Variants in NUCB2 observed in about 807,000 individuals in gnomAD.
The protein encoded by NUCB2 is nucleobindin 2, also known as nucleobindin-2.
NUCB2 carries 48 observed loss-of-function variants against 57.9 expected under a neutral mutation model. That is an observed-to-expected ratio of 0.83 (90% confidence interval 0.66 to 1.05). The LOEUF (loss-of-function observed/expected upper bound fraction) is 1.05. Ranked by LOEUF, NUCB2 falls within the 50% of genes least tolerant of loss-of-function variation. The pLI, the probability that NUCB2 is intolerant of heterozygous loss-of-function variation, is 0.00. For synonymous variants in NUCB2, 139 were observed against 152.1 expected (o/e 0.91, Z 0.64); for missense variants, 442 against 476.2 (o/e 0.93, Z 0.67).
At chr11:17,287,127 T>A (rs1403751834) in intron 2 of NUCB2, among the ~76,000 whole-genome samples, 1 of 151,978 alleles carries the variant, frequency 6.6e-6, no homozygotes, top group Non-Finnish European at 1.5e-5. Flanking sequence ...TAGAAAGCCC[T>A]ACCAGCCTGA....
intron 4 of NUCB2, among the ~76,000 whole-genome samples, chr11:17,298,897 C>T (rs1946267128): frequency 6.6e-6 from 1 of 152,130 alleles, no homozygotes; most frequent in South Asian, 2.1e-4. Context: ...TGGGGTTTTG[C>T]CATGTTGTCC....
Position 17,311,880 on chromosome 11 carries a change from AG to A in NUCB2, c.770del (p.Ser257MetfsTer10), listed in dbSNP as rs1948535043. 6.3e-7 allele frequency: 1 copy of A among 1,587,940 alleles called. No individual in the cohort carries two copies. Among genetic ancestry groups the A allele is most frequent in the Non-Finnish European group, 8.6e-7 (1 of 1,164,312 alleles). ...KTFFKLHDVN[S>X]DGFLDEQELE... ...TAACTTTTAAACTTTAGATGTCAAT[AG>A]TGATGGATTCCTGGATGAACAAGAA... On this transcript the variant is annotated frameshift_variant, in exon 9 of 14. Transcript: ENST00000529010. LOFTEE classifies it high-confidence loss of function.
intron 3 of NUCB2, 71 bp downstream of exon 3, chr11:17,295,538 G>T (rs1945695931): frequency 8.9e-7 from 1 of 1,121,044 alleles, no homozygotes; most frequent in East Asian, 2.4e-5. Flanking sequence ...ACTAAATGAG[G>T]TGGAATGAGG....
downstream of NUCB2, among the ~76,000 whole-genome samples, chr11:17,336,342 A>G (rs1333132377): frequency 6.6e-6 from 1 of 152,156 alleles, no homozygotes; most frequent in Non-Finnish European, 1.5e-5. Flanking sequence ...TGGCACTCAA[A>G]AAGTTTTGGA....
chr11:17,316,756 C>T (rs1185936790), intron 11 of NUCB2, among the ~76,000 whole-genome samples: 3 of 152,130 alleles, frequency 2.0e-5, no homozygotes, highest in Non-Finnish European at 4.4e-5. Flanking sequence ...GAAGAAAGAA[C>T]ATAGTCTTTT....
At chr11:17,311,760 A>G (rs1777401043) in intron 8 of NUCB2, 112 bp from the exon 9 acceptor site, 3 of 654,210 alleles carry the variant, frequency 4.6e-6, no homozygotes, top group Admixed American at 2.8e-5. Flanking sequence ...TCTGCAGTCT[A>G]TTGATGCTTC....
intron 5 of NUCB2, among the ~76,000 whole-genome samples, chr11:17,309,330 AT>A (rs1402299638): frequency 2.6e-5 from 4 of 152,034 alleles, no homozygotes; most frequent in African/African-American, 9.7e-5. Flanking sequence ...CAAAAAAAAA[AT>A]GAGAGAGAAT....
chr11:17,322,601 T>A (rs904881827), intron 11 of NUCB2, among the ~76,000 whole-genome samples: 1 of 152,184 alleles, frequency 6.6e-6, no homozygotes, highest in Admixed American at 6.5e-5. Context: ...TTAGGATTGT[T>A]TTATCTATTT....
chr11:17,291,462 C>T (rs151004428), intron 2 of NUCB2: 2,323 of 142,930 alleles, frequency 0.016, 60 homozygotes, highest in African/African-American at 0.058. Context: ...AGGGGAATCA[C>T]TTGAACCCGG....
At chr11:17,305,062 G>A (rs374044726) in intron 5 of NUCB2, among the ~76,000 whole-genome samples, 148 of 152,328 alleles carry the variant, frequency 9.7e-4, no homozygotes, top group African/African-American at 3.4e-3. Context: ...GGTGGCTCAC[G>A]CCTGTAATCC....
At chr11:17,307,155 C>T (rs2138801021) in intron 5 of NUCB2, among the ~76,000 whole-genome samples, 1 of 152,234 alleles carries the variant, frequency 6.6e-6, no homozygotes, top group Middle Eastern at 3.4e-3. Flanking sequence ...CCAACTGCCT[C>T]AGGCTCCCAA....
intron 1 of NUCB2, among the ~76,000 whole-genome samples, chr11:17,282,236 C>CTATCTATA (rs370686689): frequency 6.6e-4 from 69 of 104,074 alleles, no homozygotes; most frequent in East Asian, 2.8e-3. Context: ...ATCTATCTAT[C>CTATCTATA]TATATATATA....
In NUCB2 at chr11:17,346,144, G is replaced by A. The variant is rs573014957; in HGVS notation, n.2627-3201G>A. 3.3e-5 allele frequency among the ~76,000 whole-genome samples: 5 copies of A among 152,322 alleles called. No homozygotes were observed. In the South Asian group the frequency reaches 6.2e-4, roughly 19 times the overall value. ...AATATTAGAGAGTCATAGAGCCTGAGTAAGGGCCTTAGATACTATCTTCCA... is the reference window on the plus strand; with the variant it reads ...AATATTAGAGAGTCATAGAGCCTGAATAAGGGCCTTAGATACTATCTTCCA... On this transcript the variant is annotated intron_variant and non_coding_transcript_variant, in intron 2 of 2. Transcript: ENST00000532240.
chr11:17,328,262 T>G (rs1453693543), intron 11 of NUCB2, among the ~76,000 whole-genome samples: 1 of 152,252 alleles, frequency 6.6e-6, no homozygotes, highest in Non-Finnish European at 1.5e-5. Flanking sequence ...CTCTCTGTGC[T>G]GAGCCACCTG....
chr11:17,344,479 A>G (rs374641983), intron 2 of NUCB2, among the ~76,000 whole-genome samples: 1 of 152,196 alleles, frequency 6.6e-6, no homozygotes, highest in East Asian at 1.9e-4. Flanking sequence ...TTTTGTATTG[A>G]CTTTCCCACT....
Position 17,330,297 on chromosome 11 carries a change from G to A in NUCB2, c.1173G>A (p.Gln391=). Residue 391 remains glutamine, a splice_region_variant and synonymous_variant, in exon 12 of 14, where the codon CAG becomes CAA. Coordinates refer to ENST00000529010, the MANE Select transcript of NUCB2 (RefSeq NM_005013.4). This position sits in a 1 kb window ranked among gnomAD's most constrained non-coding sequence, Gnocchi z 4.3. ...QLEAQKLEYH[Q]VIQQMEQKKL... ...AGGCTCAGAAGCTGGAATATCATCAGGTGGCATTTTGTCAAAAGATTATGG... is the reference window on the plus strand; with the variant it reads ...AGGCTCAGAAGCTGGAATATCATCAAGTGGCATTTTGTCAAAAGATTATGG... 6.3e-7 allele frequency: 1 copy of A among 1,586,350 alleles called. No homozygotes were observed. The highest frequency in any genetic ancestry group is 8.5e-7 in the Non-Finnish European group (1 of 1,172,658).
intron 5 of NUCB2, among the ~76,000 whole-genome samples, chr11:17,306,669 C>A (rs926728704): frequency 2.0e-5 from 3 of 152,126 alleles, no homozygotes; most frequent in African/African-American, 7.2e-5. Context: ...GTAATCCCAG[C>A]ACTTTGGGAG....
At chr11:17,281,385 G>T (rs571804460) in intron 1 of NUCB2, among the ~76,000 whole-genome samples, 34 of 152,210 alleles carry the variant, frequency 2.2e-4, no homozygotes, top group African/African-American at 6.3e-4. Context: ...CTTTCAAAGT[G>T]CTGGGATTAT....
intron 10 of NUCB2, 100 bp from the exon 11 acceptor site, chr11:17,315,286 G>C: frequency 1.8e-6 from 1 of 547,456 alleles, no homozygotes; most frequent in Non-Finnish European, 3.2e-6. Flanking sequence ...CCTAATTGCT[G>C]TATGTTTATG....
Sources: gnomAD v4.1 joint callset for allele counts (sites outside exome capture counted in the v4.1 genomes callset) on GRCh38, gnomAD v4.1.1 for gene constraint, Gnocchi (gnomAD v3.1) non-coding constraint, MANE v1.5 for transcripts, NCBI Gene and HGNC (gene_info 2026-07-23, HGNC 2026-07-21) for gene names.